The following PDE4A variants were observed in gnomAD, a reference collection of about 807,000 sequenced individuals.
The protein encoded by PDE4A is phosphodiesterase 4A, also known as 3',5'-cyclic-AMP phosphodiesterase 4A.
In PDE4A, 21 loss-of-function variants were observed where a neutral mutation model predicts 73.9. The observed-to-expected ratio is 0.28, with a 90% CI of 0.20 to 0.41. The LOEUF (loss-of-function observed/expected upper bound fraction) is 0.41. PDE4A is among the 10% of genes least tolerant of loss of function. The pLI, the probability that PDE4A is intolerant of heterozygous loss-of-function variation, is 1.00. For synonymous variants in PDE4A, 463 were observed against 505.4 expected, an observed-to-expected ratio of 0.92 and a Z score of 1.13; for missense variants, 958 against 1,211.4, an observed-to-expected ratio of 0.79 and a Z score of 3.10.
chr19:10,421,530 G>C (rs1006143848), intron 1 of PDE4A, among the ~76,000 whole-genome samples: 22 of 152,122 alleles, frequency 1.4e-4, no homozygotes, highest in African/African-American at 3.9e-4. Context: ...CTTCAGGGTG[G>C]GGTGCTCTCA....
chr19:10,421,049 C>A lies in PDE4A; in HGVS notation c.285C>A (p.Thr95=), dbSNP rs754365086. The stretch of plus-strand genomic sequence containing the variant: ...CCTCGTCCTTCCATGGCACTGGCAC[C>A]GGCAGCGGCGGCGCGGGCGGAGGCA... ...SWPSSFHGTG[T]GSGGAGGGSS... is the part of the protein sequence containing the mutation. Residue 95 remains threonine, a synonymous_variant, in exon 1 of 15, where the codon ACC becomes ACA. Coordinates refer to ENST00000380702, the MANE Select transcript of PDE4A (RefSeq NM_001111307.2). The A allele has an allele frequency of 2.9e-6, 4 of 1,388,772 alleles. No individual in the cohort carries two copies. Among genetic ancestry groups the A allele is most frequent in the South Asian group, 3.2e-5 (2 of 61,578 alleles). The allele number at this position is 1,388,772 out of a possible 1,614,324, so 86.0% of individuals were successfully genotyped here. A position where few individuals can be genotyped will look rare whatever the true frequency, so the allele number is the denominator to read the frequency against.
At chr19:10,419,606 A>G (rs1599392645), upstream of PDE4A, 1 of 152,538 alleles carries the variant, frequency 6.6e-6, no homozygotes, top group Non-Finnish European at 1.5e-5. Flanking sequence ...TCCTGGAGCC[A>G]CAAGGGAACC....
chr19:10,440,710 TGTTTTA>T (rs1677619205), intron 1 of PDE4A, among the ~76,000 whole-genome samples: 1 of 152,158 alleles, frequency 6.6e-6, no homozygotes, highest in Admixed American at 6.5e-5. Context: ...GCAGTTCTCG[TGTTTTA>T]GCCTCCCCAG....
chr19:10,439,605 A>C (rs986009048), intron 1 of PDE4A, among the ~76,000 whole-genome samples: 2 of 152,152 alleles, frequency 1.3e-5, no homozygotes, highest in African/African-American at 2.4e-5. Flanking sequence ...GCAGCAGGTG[A>C]GAGAGGAGGT....
intron 1 of PDE4A, among the ~76,000 whole-genome samples, chr19:10,426,939 A>T (rs1406881669): frequency 1.3e-5 from 2 of 152,050 alleles, no homozygotes; most frequent in African/African-American, 4.8e-5. Context: ...ATATGAAAAA[A>T]AGAGGGATCC....
upstream of PDE4A, chr19:10,420,356 G>A: frequency 1.0e-6 from 1 of 979,186 alleles, no homozygotes; most frequent in Non-Finnish European, 1.2e-6. The surrounding 1 kb of genome is among the most constrained non-coding windows in gnomAD (Gnocchi z 6.0). Flanking sequence ...GCCCGGAGCG[G>A]GGATCTGCGT....
Position 10,448,970 on chromosome 19 carries a change from A to C in PDE4A, c.549+17A>C. 1 of 1,613,268 alleles carries C rather than the reference A, an allele frequency of 6.2e-7. No homozygotes were observed. The highest frequency in any genetic ancestry group is 8.5e-7 in the Non-Finnish European group (1 of 1,179,676). ...TTTGCTCAGGTGAGACCTCTTCCCAAATGGTTAAGGAGAGAAGGGGCTCCA... is the reference window on the plus strand; with the variant it reads ...TTTGCTCAGGTGAGACCTCTTCCCACATGGTTAAGGAGAGAAGGGGCTCCA... On this transcript the variant is annotated intron_variant, in intron 3 of 14. Coordinates refer to ENST00000380702, the MANE Select transcript of PDE4A (RefSeq NM_001111307.2).
chr19:10,432,585 G>C, intron 1 of PDE4A: 4 of 1,513,744 alleles, frequency 2.6e-6, no homozygotes, highest in Non-Finnish European at 3.5e-6. Context: ...GGTGGCCCGT[G>C]GCCAGTCAGT....
chr19:10,423,594 T>C (rs1247744421), intron 1 of PDE4A, among the ~76,000 whole-genome samples: 2 of 152,296 alleles, frequency 1.3e-5, no homozygotes, highest in East Asian at 3.9e-4. Context: ...TTTTCCAGTC[T>C]GTAGAGTGGG....
chr19:10,432,680 C>T (rs946500370), intron 1 of PDE4A: 36 of 1,106,636 alleles, frequency 3.3e-5, no homozygotes, highest in Non-Finnish European at 4.5e-5. Flanking sequence ...TAAGTGGCTT[C>T]CAGGATCTGG....
intron 1 of PDE4A, chr19:10,431,006 C>T (rs1477646421): frequency 1.9e-6 from 3 of 1,578,144 alleles, no homozygotes; most frequent in African/African-American, 2.7e-5. Flanking sequence ...TCTTCGCCAG[C>T]CCGTCCCCAA....
At chr19:10,429,979 A>G (rs1397940538) in intron 1 of PDE4A, among the ~76,000 whole-genome samples, 5 of 151,710 alleles carry the variant, frequency 3.3e-5, no homozygotes, top group Non-Finnish European at 7.4e-5. Flanking sequence ...GTCTGTGGAG[A>G]ACTCTAGGAT....
rs1442558707 is a variant in PDE4A, at chr19:10,465,979, G to A, written c.1927-908G>A. ...GCCTCCCAAAGTGCTGGGATTACAGGCGTGAGCCACTGCATCCGGCCTACT... is the reference window on the plus strand; with the variant it reads ...GCCTCCCAAAGTGCTGGGATTACAGACGTGAGCCACTGCATCCGGCCTACT... On this transcript the variant is annotated intron_variant, in intron 14 of 14. Transcript: ENST00000380702. Among the ~76,000 whole-genome samples, 12 of 146,882 alleles carry A rather than the reference G, an allele frequency of 8.2e-5. 1 individual carries two copies. The South Asian group carries it at 2.4e-3, about 29-fold the overall frequency.
In PDE4A at chr19:10,459,600, G is replaced by T; in HGVS notation, c.1206G>T (p.Arg402=). Residue 402 remains arginine, a synonymous_variant, in exon 10 of 15, where the codon CGG becomes CGT. Transcript: ENST00000380702. ...CTGCCCCTGCCTGCTCTCAGGAGCG[G>T]GACCTGCTGAAGAAATTCCGCATCC... ...TCIMYMIFQE[R]DLLKKFRIPV... is the part of the protein sequence containing the mutation. 1 of 1,614,014 alleles carries T rather than the reference G, an allele frequency of 6.2e-7. No individual in the cohort carries two copies. The highest frequency in any genetic ancestry group is 8.5e-7 in the Non-Finnish European group (1 of 1,179,900).
intron 4 of PDE4A, among the ~76,000 whole-genome samples, chr19:10,449,433 C>A (rs995026905): frequency 6.6e-6 from 1 of 152,152 alleles, no homozygotes. Flanking sequence ...GATCTTGGCT[C>A]ACTGCAACCT....
intron 13 of PDE4A, among the ~76,000 whole-genome samples, chr19:10,463,348 C>T (rs2043307471): frequency 6.6e-6 from 1 of 151,552 alleles, no homozygotes; most frequent in Admixed American, 6.6e-5. Context: ...CCTTGGCCTC[C>T]CAAAGTGCTG....
In PDE4A at chr19:10,448,899, C is replaced by G. The variant is rs772529737; in HGVS notation, c.513-18C>G. On this transcript the variant is annotated intron_variant, in intron 2 of 14. Coordinates refer to ENST00000380702, the MANE Select transcript of PDE4A (RefSeq NM_001111307.2). Reference sequence around the variant, plus strand: ...GCTTCTCTGCGGACCCCTGACCTGCCTCTGTCCTCAATCACAGGCACGCTG... The same window carrying G: ...GCTTCTCTGCGGACCCCTGACCTGCGTCTGTCCTCAATCACAGGCACGCTG... 6.2e-7 allele frequency: 1 copy of G among 1,613,734 alleles called. No homozygotes were observed.
chr19:10,449,822 G>A (rs368722465), intron 4 of PDE4A, among the ~76,000 whole-genome samples: 3 of 151,942 alleles, frequency 2.0e-5, no homozygotes, highest in Admixed American at 6.6e-5. Flanking sequence ...ACAGCCAAGC[G>A]TGCTGGCTCA....
At chr19:10,452,977 C>T in intron 6 of PDE4A, 1 of 1,251,320 alleles carries the variant, frequency 8.0e-7, no homozygotes, top group Non-Finnish European at 1.0e-6. Flanking sequence ...CCTCCTGGGA[C>T]CCTTGCCCTG....
Sources: gnomAD v4.1 joint callset for allele counts (sites outside exome capture counted in the v4.1 genomes callset) on GRCh38, gnomAD v4.1.1 for gene constraint, Gnocchi (gnomAD v3.1) non-coding constraint, MANE v1.5 for transcripts, NCBI Gene and HGNC (gene_info 2026-07-23, HGNC 2026-07-21) for gene names.